Variants in WNT2B observed in about 807,000 individuals in gnomAD.
The protein encoded by WNT2B is Wnt family member 2B.
Under a neutral mutation model 40.5 loss-of-function variants are expected in WNT2B, and 19 were observed. The ratio of observed to expected loss-of-function variants is 0.47; its 90% CI spans 0.33 to 0.69. The LOEUF (loss-of-function observed/expected upper bound fraction) is 0.69, where lower values mean the gene tolerates loss of function less well. WNT2B is among the 30% of genes least tolerant of loss of function. WNT2B has a pLI of 0.02. For missense variants in WNT2B, 467 were observed against 556.4 expected (o/e 0.84, Z 1.62); for synonymous variants, 220 against 211.9 (o/e 1.04, Z -0.33).
rs1653026925 is a variant in WNT2B at position 112,523,910 on chromosome 1, C to T, written c.*3401C>T. On this transcript the variant is annotated 3_prime_UTR_variant, in exon 5 of 5. Transcript: ENST00000369684. Reference sequence around the variant, plus strand: ...ACCTAGCCCTGCAGATAAAAGCTAACTTTTATTAATACCAGCCCTGAATAA... The same window carrying T: ...ACCTAGCCCTGCAGATAAAAGCTAATTTTTATTAATACCAGCCCTGAATAA... The T allele has an allele frequency of 6.6e-6, 1 of 151,586 alleles. No homozygotes were observed. The highest frequency in any genetic ancestry group is 2.4e-5 in the African/African-American group (1 of 41,224). The allele number at this position is 151,586 out of a possible 1,614,324, so 9.4% of individuals were successfully genotyped here. A position where few individuals can be genotyped will look rare whatever the true frequency, so the allele number is the denominator to read the frequency against.
chr1:112,510,443 A>G (rs1401692103), intron 1 of WNT2B, among the ~76,000 whole-genome samples: 1 of 151,884 alleles, frequency 6.6e-6, no homozygotes, highest in Non-Finnish European at 1.5e-5. Context: ...GCCCCTCTCC[A>G]CCAGGCAGTG....
chr1:112,496,039 G>C (rs989408936), intron 1 of WNT2B, among the ~76,000 whole-genome samples: 1 of 152,170 alleles, frequency 6.6e-6, no homozygotes, highest in African/African-American at 2.4e-5. Flanking sequence ...ACTTCCCGAA[G>C]ACCCCACCTT....
At position 112,521,190 on chromosome 1, in the gene WNT2B, CTTGCTGCCTG is replaced by C. The variant is rs1652852657; in HGVS notation, c.*684_*693del. 6.6e-6 allele frequency: 1 copy of C among 152,444 alleles called. No individual in the cohort carries two copies. Among genetic ancestry groups the C allele is most frequent in the African/African-American group, 2.4e-5 (1 of 41,436 alleles). The allele number at this position is 152,444 out of a possible 1,614,324, so 9.4% of individuals were successfully genotyped here. A position where few individuals can be genotyped will look rare whatever the true frequency, so the allele number is the denominator to read the frequency against. ...TGGACAGCACTGCCTCTTTTGCTTACTTGCTGCCTGTTCAAACTGAGGTGGAATGCAGTGG... is the reference window on the plus strand; with the variant it reads ...TGGACAGCACTGCCTCTTTTGCTTACTTCAAACTGAGGTGGAATGCAGTGG... On this transcript the variant is annotated 3_prime_UTR_variant, in exon 5 of 5. Coordinates refer to ENST00000369684, the MANE Select transcript of WNT2B (RefSeq NM_024494.3).
In WNT2B at chr1:112,520,596, C is replaced by T. The variant is rs1652820387; in HGVS notation, c.*87C>T. On this transcript the variant is annotated 3_prime_UTR_variant, in exon 5 of 5. Coordinates refer to ENST00000369684, the MANE Select transcript of WNT2B (RefSeq NM_024494.3). ...TTGCATGCACACCTTCCTCCACCCT[C>T]CACCCTGGGCTGCTACCGCTTCTAT... is the stretch of plus-strand genomic sequence containing the variant. 4 of 1,332,334 alleles carry T rather than the reference C, an allele frequency of 3.0e-6. No individual in the cohort carries two copies. The Admixed American group carries it at 6.0e-5, about 20-fold the overall frequency. 82.5% of individuals were successfully genotyped at this position (1,332,334 alleles called of 1,614,324 possible).
intron 1 of WNT2B, among the ~76,000 whole-genome samples, chr1:112,511,964 G>C (rs1652368661): frequency 6.6e-6 from 1 of 152,162 alleles, no homozygotes; most frequent in African/African-American, 2.4e-5. Flanking sequence ...AGTGAGGGAT[G>C]CTGTGGCATT....
At chr1:112,474,215 G>A (rs548923174) in intron 1 of WNT2B, among the ~76,000 whole-genome samples, 184 of 152,052 alleles carry the variant, frequency 1.2e-3, no homozygotes, top group African/African-American at 4.1e-3. Flanking sequence ...GCACAATCTC[G>A]ACTCACTGCA....
At chr1:112,500,701 G>A (rs1452183353) in intron 1 of WNT2B, among the ~76,000 whole-genome samples, 1 of 152,184 alleles carries the variant, frequency 6.6e-6, no homozygotes, top group Non-Finnish European at 1.5e-5. Context: ...GAGCCCAGGA[G>A]TTCAGGGCAA....
chr1:112,496,568 G>A (rs1000216159), intron 1 of WNT2B, among the ~76,000 whole-genome samples: 1 of 151,952 alleles, frequency 6.6e-6, no homozygotes, highest in South Asian at 2.1e-4. Context: ...ATGTAATAGT[G>A]GGACAGGTGT....
In WNT2B at chr1:112,516,381, C is replaced by T. The variant is rs1199905234; in HGVS notation, c.645C>T (p.Ala215=). Residue 215 remains alanine, a synonymous_variant, in exon 3 of 5, where the codon GCC becomes GCT. Transcript: ENST00000369684. ...AGAAGAGGCTTAAGGATGCCCGGGC[C>T]CTCATGAACTTACATAATAACCGCT... ...AKEKRLKDAR[A]LMNLHNNRCG... 1.2e-6 allele frequency: 2 copies of T among 1,613,568 alleles called. No individual in the cohort carries two copies. The highest frequency in any genetic ancestry group is 2.7e-5 in the African/African-American group (2 of 74,836).
chr1:112,509,019 G>C lies in WNT2B; in HGVS notation c.-244G>C. 2.2e-6 allele frequency: 3 copies of C among 1,338,316 alleles called. No individual in the cohort carries two copies. The highest frequency in any genetic ancestry group is 2.0e-5 in the South Asian group (1 of 49,018). 82.9% of individuals were successfully genotyped at this position (1,338,316 alleles called of 1,614,324 possible). On this transcript the variant is annotated 5_prime_UTR_variant, in exon 1 of 5. Coordinates refer to ENST00000369684, the MANE Select transcript of WNT2B (RefSeq NM_024494.3). This position sits in a 1 kb window ranked among gnomAD's most constrained non-coding sequence, Gnocchi z 4.2. ...CCGCAGACCCCCTGACACCGCACCCGGTCCTCAGGCAGCGCGCCCCAGACC... is the reference window on the plus strand; with the variant it reads ...CCGCAGACCCCCTGACACCGCACCCCGTCCTCAGGCAGCGCGCCCCAGACC...
At chr1:112,487,203 T>C (rs1651444447) in intron 1 of WNT2B, among the ~76,000 whole-genome samples, 1 of 152,192 alleles carries the variant, frequency 6.6e-6, no homozygotes, top group Non-Finnish European at 1.5e-5. Flanking sequence ...TTAAAATCAA[T>C]ACACACTATA....
chr1:112,469,411 A>G (rs1013594117), intron 1 of WNT2B, among the ~76,000 whole-genome samples: 20 of 152,254 alleles, frequency 1.3e-4, no homozygotes, highest in African/African-American at 4.3e-4. Context: ...GAATCTGTAG[A>G]TTGCTGCAAG....
rs949099004 is a variant in WNT2B, at chr1:112,529,599, G to A, written c.*9090G>A. 7.9e-5 allele frequency: 12 copies of A among 152,040 alleles called. No homozygotes were observed. Among genetic ancestry groups the A allele is most frequent in the African/African-American group, 2.9e-4 (12 of 41,366 alleles). 9.4% of individuals were successfully genotyped at this position (152,040 alleles called of 1,614,324 possible). A position where few individuals can be genotyped will look rare whatever the true frequency, so the allele number is the denominator to read the frequency against. On this transcript the variant is annotated 3_prime_UTR_variant, in exon 5 of 5. Coordinates refer to ENST00000369684, the MANE Select transcript of WNT2B (RefSeq NM_024494.3). ...TGTTCTCCCAGAGAAGCTATTATAA[G>A]ATAGGCATAGAGACAGAAGTCTCAA...
chr1:112,514,432 C>T (rs1051735165), intron 1 of WNT2B, among the ~76,000 whole-genome samples: 2 of 152,320 alleles, frequency 1.3e-5, no homozygotes, highest in African/African-American at 4.8e-5. Flanking sequence ...ACCATATCTT[C>T]GTGGACCAGC....
chr1:112,467,022 G>C (rs1650728564), exon 1 of WNT2B: 1 of 155,494 alleles, frequency 6.4e-6, no homozygotes. Flanking sequence ...ATAATAAATA[G>C]AGCAACAAGC....
At chr1:112,489,894 C>G (rs1385396282) in intron 1 of WNT2B, among the ~76,000 whole-genome samples, 1 of 152,104 alleles carries the variant, frequency 6.6e-6, no homozygotes, top group Non-Finnish European at 1.5e-5. Context: ...TCAGTCTCCA[C>G]CCACAATTAC....
intron 1 of WNT2B, among the ~76,000 whole-genome samples, chr1:112,510,444 C>T (rs1652309080): frequency 6.6e-6 from 1 of 152,128 alleles, no homozygotes; most frequent in Non-Finnish European, 1.5e-5. Flanking sequence ...CCCCTCTCCA[C>T]CAGGCAGTGC....
intron 1 of WNT2B, among the ~76,000 whole-genome samples, chr1:112,502,034 G>A (rs1651970620): frequency 6.6e-6 from 1 of 152,250 alleles, no homozygotes; most frequent in Non-Finnish European, 1.5e-5. Flanking sequence ...CCCGCGAGTC[G>A]GAAAGCGCCC....
chr1:112,515,676 G>A lies in WNT2B; in HGVS notation c.404-464G>A, dbSNP rs1391994652. Among the ~76,000 whole-genome samples the A allele has an allele frequency of 6.6e-6, 1 of 152,200 alleles. No individual in the cohort carries two copies. Among genetic ancestry groups the A allele is most frequent in the African/African-American group, 2.4e-5 (1 of 41,456 alleles). On this transcript the variant is annotated intron_variant, in intron 2 of 4. Coordinates refer to ENST00000369684, the MANE Select transcript of WNT2B (RefSeq NM_024494.3). The surrounding 1 kb of genome is among the most constrained non-coding windows in gnomAD (Gnocchi z 4.4). ...CTCCAAGAGCAGGGAGGGAGAGCAAGCAGGCAAGGGAGGGTAGCATGGATC... is the reference window on the plus strand; with the variant it reads ...CTCCAAGAGCAGGGAGGGAGAGCAAACAGGCAAGGGAGGGTAGCATGGATC...
Sources: allele counts gnomAD v4.1 joint callset (sites outside exome capture counted in the v4.1 genomes callset), GRCh38; gene constraint gnomAD v4.1.1; non-coding constraint Gnocchi (gnomAD v3.1); transcripts MANE v1.5; gene names NCBI Gene and HGNC (gene_info 2026-07-23, HGNC 2026-07-21).